Variants in CACNA2D3 observed in about 807,000 individuals in gnomAD.
CACNA2D3 encodes calcium voltage-gated channel auxiliary subunit alpha2delta 3, also known as voltage-dependent calcium channel subunit alpha-2/delta-3.
In CACNA2D3, 60 loss-of-function variants were observed where a neutral mutation model predicts 160.6. That is an observed-to-expected ratio of 0.37 (90% CI 0.30 to 0.46). The LOEUF (loss-of-function observed/expected upper bound fraction) is 0.46. CACNA2D3 is among the 20% of genes least tolerant of loss of function. The probability of loss-of-function intolerance (pLI) is 1.00; values close to 1 mark genes in which losing one functional copy is unlikely to be tolerated. For synonymous variants in CACNA2D3, 558 were observed against 492.9 expected (o/e 1.13, Z -1.75); for missense variants, 1,205 against 1,365.0 (o/e 0.88, Z 1.85).
intron 9 of CACNA2D3, among the ~76,000 whole-genome samples, chr3:54,625,854 C>T (rs1256050314): frequency 6.6e-6 from 1 of 152,168 alleles, no homozygotes; most frequent in Non-Finnish European, 1.5e-5. Flanking sequence ...TTTGTCTCTA[C>T]GATCCATTTT....
intron 5 of CACNA2D3, among the ~76,000 whole-genome samples, chr3:54,536,696 C>T (rs1701895044): frequency 6.6e-6 from 1 of 152,216 alleles, no homozygotes; most frequent in Admixed American, 6.5e-5. Context: ...GCAGAGAATG[C>T]CATGTGCTGG....
intron 3 of CACNA2D3, among the ~76,000 whole-genome samples, chr3:54,353,023 C>G (rs1698591135): frequency 6.6e-6 from 1 of 152,128 alleles, no homozygotes; most frequent in Non-Finnish European, 1.5e-5. Flanking sequence ...CATTTACACT[C>G]TTTAAGTTGT....
intron 2 of CACNA2D3, among the ~76,000 whole-genome samples, chr3:54,288,386 C>G (rs1213275547): frequency 6.6e-6 from 1 of 152,204 alleles, no homozygotes; most frequent in Admixed American, 6.5e-5. Flanking sequence ...GAAGTTGAAT[C>G]TCTGAATAGA....
intron 35 of CACNA2D3, among the ~76,000 whole-genome samples, 199 bp from the exon 36 acceptor site, chr3:55,073,246 A>G (rs1048253074): frequency 1.3e-5 from 2 of 152,284 alleles, no homozygotes; most frequent in African/African-American, 4.8e-5. Flanking sequence ...CGTCATAGCT[A>G]TTGTTGTTTT....
chr3:54,245,729 C>T (rs1404964630), intron 2 of CACNA2D3, among the ~76,000 whole-genome samples: 1 of 152,210 alleles, frequency 6.6e-6, no homozygotes, highest in Non-Finnish European at 1.5e-5. Context: ...TCATCAGTGT[C>T]ATCATGCATG....
intron 2 of CACNA2D3, among the ~76,000 whole-genome samples, chr3:54,146,035 C>T (rs372738183): frequency 3.3e-5 from 5 of 152,034 alleles, no homozygotes; most frequent in African/African-American, 1.2e-4. Context: ...ATATTTTTCA[C>T]TTCTAGAATT....
chr3:54,679,711 C>T (rs755834102), intron 11 of CACNA2D3, among the ~76,000 whole-genome samples: 2 of 152,218 alleles, frequency 1.3e-5, no homozygotes, highest in Non-Finnish European at 2.9e-5. Context: ...AAACATGCTT[C>T]GCAGTGGGTT....
intron 10 of CACNA2D3, among the ~76,000 whole-genome samples, chr3:54,640,866 A>C (rs547862590): frequency 1.3e-5 from 2 of 152,308 alleles, no homozygotes; most frequent in South Asian, 4.1e-4. Flanking sequence ...TCTCTCAAGT[A>C]GCCCATTGTT....
At chr3:54,293,899 A>G (rs1189035347) in intron 2 of CACNA2D3, among the ~76,000 whole-genome samples, 1 of 152,258 alleles carries the variant, frequency 6.6e-6, no homozygotes, top group Non-Finnish European at 1.5e-5. Flanking sequence ...GCATTTATCA[A>G]AACAAATAAA....
rs1702108748 is a variant in CACNA2D3, at chr3:54,548,914, A to G, written c.545-13886A>G. ...CCTCCTAATTCATCTGGTGTTCCTC[A>G]TCCCAATACAGGTTTTCAGGCTGGT... On this transcript the variant is annotated intron_variant, in intron 5 of 37. Coordinates refer to ENST00000474759, the MANE Select transcript of CACNA2D3 (RefSeq NM_018398.3). Among the ~76,000 whole-genome samples the G allele has an allele frequency of 2.0e-5, 3 of 152,164 alleles. No homozygotes were observed. The South Asian group carries it at 6.2e-4, about 32-fold the overall frequency.
At chr3:54,200,503 T>C (rs1277715725) in intron 2 of CACNA2D3, among the ~76,000 whole-genome samples, 2 of 152,224 alleles carry the variant, frequency 1.3e-5, no homozygotes, top group Non-Finnish European at 2.9e-5. Flanking sequence ...TGGAATAATT[T>C]ACCATCAAAT....
intron 5 of CACNA2D3, among the ~76,000 whole-genome samples, chr3:54,546,156 C>A (rs960391484): frequency 8.5e-5 from 13 of 152,238 alleles, no homozygotes; most frequent in Non-Finnish European, 1.3e-4. Flanking sequence ...GGGGAAGGGC[C>A]TGGATGTGTG....
At chr3:54,197,340 C>T (rs774832163) in intron 2 of CACNA2D3, 1 of 152,170 alleles carries the variant, frequency 6.6e-6, no homozygotes, top group Admixed American at 6.5e-5. Flanking sequence ...CAGGAAATGT[C>T]TTCCTCGTGA....
chr3:54,429,722 G>GC (rs1699961119), intron 4 of CACNA2D3, among the ~76,000 whole-genome samples: 1 of 152,062 alleles, frequency 6.6e-6, no homozygotes, highest in Non-Finnish European at 1.5e-5. Flanking sequence ...GCAATATGAA[G>GC]CCCCCTAAAA....
chr3:54,543,912 C>T (rs552497755), intron 5 of CACNA2D3, among the ~76,000 whole-genome samples: 2 of 152,084 alleles, frequency 1.3e-5, no homozygotes, highest in African/African-American at 4.8e-5. Context: ...AACATTTGAA[C>T]CTTTTTTTCT....
At chr3:55,026,828 A>G (rs1703572340) in intron 35 of CACNA2D3, among the ~76,000 whole-genome samples, 1 of 152,220 alleles carries the variant, frequency 6.6e-6, no homozygotes, top group South Asian at 2.1e-4. Context: ...TGACACCGGT[A>G]TGGAACCACT....
chr3:54,792,386 A>G (rs561424727), intron 13 of CACNA2D3, among the ~76,000 whole-genome samples: 1 of 152,344 alleles, frequency 6.6e-6, no homozygotes, highest in South Asian at 2.1e-4. Context: ...ATGTTGACAT[A>G]GTGAATCAGG....
intron 5 of CACNA2D3, among the ~76,000 whole-genome samples, chr3:54,540,756 T>C (rs376951355): frequency 9.9e-4 from 151 of 152,256 alleles, no homozygotes; most frequent in African/African-American, 3.5e-3. Context: ...CCTCTCATGA[T>C]TTAATTACCA....
chr3:54,995,953 A>G (rs1702847756), intron 31 of CACNA2D3, among the ~76,000 whole-genome samples: 1 of 152,136 alleles, frequency 6.6e-6, no homozygotes, highest in African/African-American at 2.4e-5. Flanking sequence ...GGTCCTGAAC[A>G]CAGATTGTCA....
Sources: gnomAD v4.1 joint callset for allele counts (sites outside exome capture counted in the v4.1 genomes callset) on GRCh38, gnomAD v4.1.1 for gene constraint, MANE v1.5 for transcripts, NCBI Gene and HGNC (gene_info 2026-07-23, HGNC 2026-07-21) for gene names.